Variants in MYCBP2 observed in about 807,000 individuals in gnomAD.
MYCBP2 encodes the protein E3 ubiquitin-protein ligase MYCBP2.
In MYCBP2, 120 loss-of-function variants were observed where a neutral mutation model predicts 525.3. The observed-to-expected ratio is 0.23, with a 90% CI of 0.20 to 0.27. The LOEUF is 0.27. MYCBP2 is among the 10% of genes least tolerant of loss of function. The pLI, the probability that MYCBP2 is intolerant of heterozygous loss-of-function variation, is 1.00. For synonymous variants in MYCBP2, 1,894 were observed against 1,955.8 expected (o/e 0.97, Z 0.83); for missense variants, 4,149 against 5,657.1 (o/e 0.73, Z 8.55).
At chr13:77,228,807 T>C (rs2066716455) in intron 18 of MYCBP2, among the ~76,000 whole-genome samples, 1 of 151,696 alleles carries the variant, frequency 6.6e-6, no homozygotes, top group Admixed American at 6.6e-5. Flanking sequence ...TATGTACACA[T>C]TATATATAAT....
chr13:77,259,847 C>T (rs528680914), intron 13 of MYCBP2, among the ~76,000 whole-genome samples: 20 of 152,052 alleles, frequency 1.3e-4, no homozygotes, highest in Non-Finnish European at 2.6e-4. Flanking sequence ...ATCTAGTAAC[C>T]AAATATGACA....
chr13:77,044,736 G>A lies in MYCBP2; in HGVS notation c.*642C>T. 1 of 398,712 alleles carries A rather than the reference G, an allele frequency of 2.5e-6. No homozygotes were observed. The highest frequency in any genetic ancestry group is 4.4e-6 in the Non-Finnish European group (1 of 225,950). 24.7% of individuals were successfully genotyped at this position (398,712 alleles called of 1,614,324 possible). ...AATATGTTTACAGCTGCAAGATAAT[G>A]AGGCACACTCAGTATTGCACTTCAT... On this transcript the variant is annotated 3_prime_UTR_variant, in exon 83 of 83. Coordinates refer to ENST00000544440, the MANE Select transcript of MYCBP2 (RefSeq NM_015057.5).
chr13:77,268,028 G>C, intron 7 of MYCBP2, 91 bp from the exon 8 acceptor site: 1 of 704,992 alleles, frequency 1.4e-6, no homozygotes, highest in South Asian at 1.8e-5. Context: ...AGGTTTTTGA[G>C]GTACAATAAT....
chr13:77,252,374 C>T (rs946566474), intron 14 of MYCBP2, among the ~76,000 whole-genome samples: 4 of 152,056 alleles, frequency 2.6e-5, no homozygotes, highest in African/African-American at 9.7e-5. Context: ...AAACTGAAGA[C>T]GGTAATACTG....
chr13:77,106,146 C>A (rs982860440), intron 55 of MYCBP2, among the ~76,000 whole-genome samples: 1 of 152,144 alleles, frequency 6.6e-6, no homozygotes, highest in African/African-American at 2.4e-5. Flanking sequence ...CACCTGTCAA[C>A]ACCTGGTGGC....
chr13:77,082,208 T>C (rs2043418444), intron 63 of MYCBP2: 1 of 445,182 alleles, frequency 2.2e-6, no homozygotes, highest in South Asian at 3.8e-5. Flanking sequence ...CTAAGGAAAG[T>C]TGACCCATTT....
intron 15 of MYCBP2, among the ~76,000 whole-genome samples, chr13:77,244,512 A>G (rs2069513983): frequency 6.6e-6 from 1 of 152,236 alleles, no homozygotes; most frequent in Non-Finnish European, 1.5e-5. Flanking sequence ...ACAAAAATTA[A>G]TTCAAGATGG....
chr13:77,156,583 C>T (rs73241408), intron 45 of MYCBP2, among the ~76,000 whole-genome samples: 3,378 of 152,294 alleles, frequency 0.022, 56 homozygotes, highest in Middle Eastern at 0.075. Flanking sequence ...TGCCATCCTG[C>T]AAGCCTGGAA....
At chr13:77,071,811 CTATAT>C (rs1347572683) in intron 68 of MYCBP2, among the ~76,000 whole-genome samples, 1 of 152,126 alleles carries the variant, frequency 6.6e-6, no homozygotes, top group African/African-American at 2.4e-5. Context: ...CTAAAACAGA[CTATAT>C]TATAGGCCAG....
intron 18 of MYCBP2, among the ~76,000 whole-genome samples, chr13:77,229,613 C>T (rs2066848714): frequency 6.6e-6 from 1 of 152,132 alleles, no homozygotes; most frequent in Non-Finnish European, 1.5e-5. Flanking sequence ...GCAAAGACTA[C>T]ATATGTGGGT....
At chr13:77,261,972 C>G in intron 11 of MYCBP2, 81 bp downstream of exon 11, 1 of 1,087,072 alleles carries the variant, frequency 9.2e-7, no homozygotes, top group Non-Finnish European at 1.3e-6. Context: ...AACATGCAAA[C>G]TATATAAACT....
At chr13:77,115,123 A>G (rs1027600886) in intron 55 of MYCBP2, among the ~76,000 whole-genome samples, 2 of 152,092 alleles carry the variant, frequency 1.3e-5, no homozygotes, top group East Asian at 3.9e-4. Flanking sequence ...AAGATCTTAA[A>G]TTGATGAAAT....
intron 38 of MYCBP2, among the ~76,000 whole-genome samples, chr13:77,170,947 G>A (rs1337165608): frequency 6.6e-6 from 1 of 152,138 alleles, no homozygotes. Context: ...GGAGAATGGG[G>A]GAAAGGCAGC....
In MYCBP2 at chr13:77,150,810, G is replaced by C. The variant is rs1310166316; in HGVS notation, c.7055C>G (p.Ala2352Gly). The C allele has an allele frequency of 3.1e-6, 5 of 1,614,098 alleles. No individual in the cohort carries two copies. The highest frequency in any genetic ancestry group is 4.2e-6 in the Non-Finnish European group (5 of 1,180,006). Residue 2352 changes from alanine to glycine, a missense_variant, in exon 47 of 83, where the codon GCA becomes GGA. Ala to Gly is a moderately conservative substitution (Grantham distance 60). Transcript: ENST00000544440. ...ATATGAAACATCTAGCTTTGGTGAT[G>C]CCAGCCCTCCATAAGTCATGTCAGT... ...SNTDMTYGGL[A>G]SPKLDVSYEP... is the part of the protein sequence containing the mutation.
intron 78 of MYCBP2, among the ~76,000 whole-genome samples, chr13:77,057,299 T>C (rs1171381534): frequency 1.3e-5 from 2 of 152,238 alleles, no homozygotes; most frequent in Non-Finnish European, 2.9e-5. Flanking sequence ...TACTATTAAC[T>C]AGGCCTTTGG....
intron 25 of MYCBP2, 27 bp from the exon 26 acceptor site, chr13:77,205,410 T>C: frequency 6.2e-7 from 1 of 1,611,798 alleles, no homozygotes; most frequent in East Asian, 2.2e-5. Context: ...ATAATCTATG[T>C]TTTAAAAGAT....
At position 77,057,319 on chromosome 13, in the gene MYCBP2, CT is replaced by C. The variant is rs537126602; in HGVS notation, c.13330-227del. Among the ~76,000 whole-genome samples the C allele has an allele frequency of 3.0e-4, 46 of 152,260 alleles. No homozygotes were observed. In the East Asian group the frequency reaches 8.5e-3, roughly 28 times the overall value. On this transcript the variant is annotated intron_variant, in intron 78 of 82. Coordinates refer to ENST00000544440, the MANE Select transcript of MYCBP2 (RefSeq NM_015057.5). ...TTAACTAGGCCTTTGGCTTCTCCTG[CT>C]TTTTAACATTCATGCCACTTATATA... is the stretch of plus-strand genomic sequence containing the variant.
chr13:77,264,957 A>T (rs1382187601), intron 8 of MYCBP2, among the ~76,000 whole-genome samples: 1 of 152,142 alleles, frequency 6.6e-6, no homozygotes, highest in Non-Finnish European at 1.5e-5. Flanking sequence ...AACAAAAAAT[A>T]ACATTTCATT....
intron 3 of MYCBP2, among the ~76,000 whole-genome samples, chr13:77,282,534 T>C (rs1019717203): frequency 5.3e-5 from 8 of 152,260 alleles, no homozygotes; most frequent in Non-Finnish European, 1.0e-4. Context: ...AGAGAACTTT[T>C]CAAAACTTTT....
Sources: allele counts gnomAD v4.1 joint callset (sites outside exome capture counted in the v4.1 genomes callset), GRCh38; gene constraint gnomAD v4.1.1; transcripts MANE v1.5; gene names NCBI Gene and HGNC (gene_info 2026-07-23, HGNC 2026-07-21).